ITFG1: variants seen among roughly 807,000 people sequenced by gnomAD.
The protein encoded by ITFG1 is integrin alpha FG-GAP repeat containing 1.
Under a neutral mutation model 81.8 loss-of-function variants are expected in ITFG1, and 34 were observed. The ratio of observed to expected loss-of-function variants is 0.42; its 90% CI spans 0.32 to 0.55. ITFG1 has a LOEUF of 0.55. Ranked by LOEUF, ITFG1 falls within the 20% of genes least tolerant of loss-of-function variation. The pLI is 0.17. For missense variants in ITFG1, 672 were observed against 755.4 expected (o/e 0.89, Z 1.29); for synonymous variants, 285 against 270.6 (o/e 1.05, Z -0.52).
intron 10 of ITFG1, among the ~76,000 whole-genome samples, chr16:47,277,536 A>G (rs1219178805): frequency 6.6e-6 from 1 of 152,246 alleles, no homozygotes. Flanking sequence ...GCATCAGCAG[A>G]GTTCAAACTG....
chr16:47,428,320 T>C (rs577159788), intron 6 of ITFG1, among the ~76,000 whole-genome samples: 95 of 152,252 alleles, frequency 6.2e-4, no homozygotes, highest in Non-Finnish European at 1.2e-3. Flanking sequence ...GGAAACAAGA[T>C]TGGGCCATAT....
chr16:47,284,559 T>C (rs1966862942), intron 10 of ITFG1, among the ~76,000 whole-genome samples: 1 of 152,174 alleles, frequency 6.6e-6, no homozygotes, highest in South Asian at 2.1e-4. Context: ...ATAAACACAA[T>C]AAATACAATC....
chr16:47,435,997 CA>C (rs1217352478), intron 5 of ITFG1, among the ~76,000 whole-genome samples: 1 of 152,030 alleles, frequency 6.6e-6, no homozygotes, highest in Non-Finnish European at 1.5e-5. Context: ...CCATCATCCA[CA>C]AAAGAATTCC....
chr16:47,308,017 A>G (rs2151562971), intron 10 of ITFG1, among the ~76,000 whole-genome samples: 1 of 152,320 alleles, frequency 6.6e-6, no homozygotes, highest in South Asian at 2.1e-4. Context: ...TAATGTATTT[A>G]TACCATATTT....
intron 5 of ITFG1, among the ~76,000 whole-genome samples, chr16:47,430,064 T>C (rs914722688): frequency 1.3e-5 from 2 of 149,974 alleles, no homozygotes; most frequent in African/African-American, 4.9e-5. Context: ...TTTCTTTTTT[T>C]TTTTTTTTTT....
chr16:47,199,946 C>G (rs1157063212), intron 14 of ITFG1, among the ~76,000 whole-genome samples: 1 of 151,590 alleles, frequency 6.6e-6, no homozygotes, highest in Non-Finnish European at 1.5e-5. Flanking sequence ...GTTTGCACTC[C>G]TATCAGAATC....
intron 14 of ITFG1, among the ~76,000 whole-genome samples, chr16:47,182,022 G>A (rs1222053665): frequency 2.0e-5 from 3 of 152,010 alleles, no homozygotes; most frequent in Non-Finnish European, 4.4e-5. Context: ...CTAATCTCAA[G>A]TACCCAGGGA....
intron 14 of ITFG1, among the ~76,000 whole-genome samples, chr16:47,167,905 C>A (rs1312415267): frequency 1.3e-5 from 2 of 152,112 alleles, no homozygotes; most frequent in Non-Finnish European, 2.9e-5. Flanking sequence ...TATGGATGTA[C>A]AAATACCTCT....
At chr16:47,201,245 G>A (rs1365090916) in intron 14 of ITFG1, among the ~76,000 whole-genome samples, 1 of 138,226 alleles carries the variant, frequency 7.2e-6, no homozygotes, top group Non-Finnish European at 1.5e-5. Flanking sequence ...GTCTCGCTCT[G>A]TTGCCCAGGC....
intron 5 of ITFG1, among the ~76,000 whole-genome samples, chr16:47,445,037 G>A (rs984719954): frequency 2.7e-5 from 4 of 149,654 alleles, no homozygotes; most frequent in African/African-American, 4.9e-5. Context: ...CAGTGCATCC[G>A]AATTCAGAAT....
chr16:47,155,763 C>G lies in ITFG1; in HGVS notation c.1795G>C (p.Glu599Gln), dbSNP rs1298689523. Residue 599 changes from glutamate to glutamine, a missense_variant, in exon 18 of 18, where the codon GAA becomes CAA. Physicochemically the swap from Glu to Gln is conservative, Grantham distance 29 (BLOSUM62 2). Coordinates refer to ENST00000320640, the MANE Select transcript of ITFG1 (RefSeq NM_030790.5). ...HWQEKKADDR[E>Q]KRQEAHRFHF... The stretch of plus-strand genomic sequence containing the variant: ...AACCGGTGGGCTTCTTGTCGTTTTT[C>G]TCTATCATCTGCTTTCTGAAAAAGA... The G allele has an allele frequency of 1.4e-5, 22 of 1,593,456 alleles. No individual in the cohort carries two copies. Among genetic ancestry groups the G allele is most frequent in the Non-Finnish European group, 1.9e-5 (22 of 1,168,482 alleles).
intron 2 of ITFG1, among the ~76,000 whole-genome samples, chr16:47,456,153 C>G (rs1231263255): frequency 3.3e-5 from 5 of 152,010 alleles, no homozygotes; most frequent in African/African-American, 1.2e-4. Context: ...TGAGCTATGA[C>G]TGTGTGACTG....
intron 14 of ITFG1, among the ~76,000 whole-genome samples, chr16:47,216,105 G>T (rs934827460): frequency 6.6e-6 from 1 of 152,002 alleles, no homozygotes; most frequent in African/African-American, 2.4e-5. Context: ...AATAGTAATG[G>T]GTAGTGAATA....
intron 14 of ITFG1, among the ~76,000 whole-genome samples, chr16:47,208,876 A>G (rs1965531952): frequency 6.6e-6 from 1 of 152,362 alleles, no homozygotes; most frequent in South Asian, 2.1e-4. Context: ...TCTTCCTTCC[A>G]TGAGTACAAT....
At chr16:47,439,474 A>G (rs1969215926) in intron 5 of ITFG1, among the ~76,000 whole-genome samples, 1 of 152,250 alleles carries the variant, frequency 6.6e-6, no homozygotes, top group Non-Finnish European at 1.5e-5. Flanking sequence ...CCATCAGACT[A>G]ACAGCTGATC....
intron 8 of ITFG1, among the ~76,000 whole-genome samples, chr16:47,354,002 A>T (rs1258464475): frequency 6.6e-6 from 1 of 152,186 alleles, no homozygotes; most frequent in Non-Finnish European, 1.5e-5. Context: ...ATTCACTGCA[A>T]TCCCTATCAA....
intron 10 of ITFG1, among the ~76,000 whole-genome samples, chr16:47,269,166 T>C (rs1388920898): frequency 6.6e-6 from 1 of 152,078 alleles, no homozygotes; most frequent in Non-Finnish European, 1.5e-5. Flanking sequence ...CTAGCCATTG[T>C]AAAAGGAAAG....
At chr16:47,360,381 G>C (rs1219481328) in intron 8 of ITFG1, among the ~76,000 whole-genome samples, 2 of 151,978 alleles carry the variant, frequency 1.3e-5, no homozygotes, top group African/African-American at 4.8e-5. Flanking sequence ...TTGATTTTTT[G>C]ACTAGTGTTC....
intron 14 of ITFG1, among the ~76,000 whole-genome samples, chr16:47,187,319 A>G (rs1965233710): frequency 3.9e-5 from 6 of 152,164 alleles, no homozygotes; most frequent in Admixed American, 2.0e-4. Context: ...TCCTAAGCCA[A>G]AAGAACAAAG....
Sources: allele counts gnomAD v4.1 joint callset (sites outside exome capture counted in the v4.1 genomes callset), GRCh38; gene constraint gnomAD v4.1.1; transcripts MANE v1.5; gene names NCBI Gene and HGNC (gene_info 2026-07-23, HGNC 2026-07-21).